Variants in KIF26B observed in about 807,000 individuals in gnomAD.
The protein encoded by KIF26B is kinesin family member 26B, also known as kinesin-like protein KIF26B.
A neutral mutation model predicts 151.2 loss-of-function variants in KIF26B; 63 were observed. That is an observed-to-expected ratio of 0.42 (90% CI 0.34 to 0.51). The LOEUF is 0.51. Ranked by LOEUF, KIF26B falls within the 20% of genes least tolerant of loss-of-function variation. The pLI, the probability that KIF26B is intolerant of heterozygous loss-of-function variation, is 0.07. For missense variants in KIF26B, 2,813 were observed against 2,913.6 expected (o/e 0.97, Z 0.79); for synonymous variants, 1,357 against 1,262.1 (o/e 1.08, Z -1.59).
chr1:245,370,163 A>G (rs1471937048), intron 3 of KIF26B, among the ~76,000 whole-genome samples: 1 of 152,184 alleles, frequency 6.6e-6, no homozygotes, highest in Non-Finnish European at 1.5e-5. Flanking sequence ...CTAGCATTTC[A>G]TACACTCGCA....
chr1:245,698,211 G>C lies in KIF26B; in HGVS notation c.5930G>C (p.Arg1977Pro). The part of the protein sequence containing the change: ...TGVRWVDGPL[R>P]SSPRGLGEPF... The stretch of plus-strand genomic sequence containing the variant: ...GTCCGCTGGGTGGATGGCCCCTTGC[G>C]GAGCAGCCCGAGGGGCCTTGGGGAA... The change falls in exon 13 of 15, where the codon CGG (arginine) becomes CCG (proline). Residue 1977 changes from arginine (R) to proline (P), a missense_variant. This residue lies in a region of KIF26B where 2,060 missense variants were observed against 2,088.6 expected (regional missense o/e 0.99). Coordinates refer to ENST00000407071, the MANE Select transcript of KIF26B (RefSeq NM_018012.4). The surrounding 1 kb of genome is among the most constrained non-coding windows in gnomAD (Gnocchi z 4.0). 6.2e-7 allele frequency: 1 copy of C among 1,614,008 alleles called. No individual in the cohort carries two copies. The highest frequency in any genetic ancestry group is 8.5e-7 in the Non-Finnish European group (1 of 1,179,900).
Position 245,686,355 on chromosome 1 carries a change from G to A in KIF26B, c.3372G>A (p.Val1124=), listed in dbSNP as rs1185787959. 5.6e-6 allele frequency: 9 copies of A among 1,613,250 alleles called. No individual in the cohort carries two copies. In the African/African-American group the frequency reaches 1.1e-4, roughly 19 times the overall value. Residue 1124 remains valine (V), a synonymous_variant, in exon 12 of 15, where the codon GTG becomes GTA. Transcript: ENST00000407071. This position sits in a 1 kb window ranked among gnomAD's most constrained non-coding sequence, Gnocchi z 5.6. The stretch of plus-strand genomic sequence containing the variant: ...GGGAGTCCTTGCTGCAGCCCGAGGT[G>A]CGTACGCCCCCGGTTGGAATGAGCC... The part of the protein sequence containing the change: ...ASRESLLQPE[V]RTPPVGMSPQ...
chr1:245,410,399 G>A (rs757258508), intron 3 of KIF26B, among the ~76,000 whole-genome samples: 14 of 152,168 alleles, frequency 9.2e-5, no homozygotes, highest in East Asian at 1.9e-4. Flanking sequence ...AGGTAGCCAC[G>A]TGGAACAAGT....
intron 2 of KIF26B, among the ~76,000 whole-genome samples, chr1:245,251,176 C>T (rs1487471247): frequency 6.6e-6 from 1 of 152,176 alleles, no homozygotes; most frequent in African/African-American, 2.4e-5. Flanking sequence ...TGCCTGTACC[C>T]AAATTCCAGA....
chr1:245,521,148 T>C (rs898038428), intron 4 of KIF26B, among the ~76,000 whole-genome samples: 3 of 152,228 alleles, frequency 2.0e-5, no homozygotes, highest in African/African-American at 7.2e-5. Flanking sequence ...CCATCCTGGC[T>C]AACACGGTGA....
chr1:245,247,521 A>C (rs564084800), intron 2 of KIF26B, among the ~76,000 whole-genome samples: 1 of 152,348 alleles, frequency 6.6e-6, no homozygotes, highest in East Asian at 1.9e-4. Context: ...TGTTTGAGGC[A>C]GGACGTGCTA....
intron 9 of KIF26B, among the ~76,000 whole-genome samples, chr1:245,614,217 C>G (rs561485138): frequency 2.0e-5 from 3 of 152,180 alleles, no homozygotes; most frequent in African/African-American, 7.2e-5. Flanking sequence ...CTCTGTTGCC[C>G]AGGCTGGAGT....
rs138859245 is a variant in KIF26B, at chr1:245,248,850, C to G, written c.465+92167C>G. ...AAATCAAGTGTAAATCAGTCTGTACCTCCGAGTGGAAACCAGTCAGTGGGA... is the reference window on the plus strand; with the variant it reads ...AAATCAAGTGTAAATCAGTCTGTACGTCCGAGTGGAAACCAGTCAGTGGGA... On this transcript the variant is annotated intron_variant, in intron 2 of 14. Transcript: ENST00000407071. Among the ~76,000 whole-genome samples the G allele has an allele frequency of 8.1e-3, 1,231 of 152,268 alleles. 11 individuals carry two copies. Among genetic ancestry groups the G allele is most frequent in the African/African-American group, 0.027 (1,108 of 41,552 alleles).
intron 2 of KIF26B, among the ~76,000 whole-genome samples, chr1:245,299,162 T>G (rs1671385118): frequency 6.6e-6 from 1 of 152,166 alleles, no homozygotes; most frequent in South Asian, 2.1e-4. Flanking sequence ...ACAGGCGCAT[T>G]GTTTTTATTC....
intron 10 of KIF26B, among the ~76,000 whole-genome samples, chr1:245,664,728 A>C (rs1295115270): frequency 6.6e-6 from 1 of 152,244 alleles, no homozygotes; most frequent in African/African-American, 2.4e-5. Context: ...TTAAAAAATA[A>C]GCAGAATAAT....
intron 4 of KIF26B, among the ~76,000 whole-genome samples, chr1:245,538,343 CAGG>C (rs536407399): frequency 4.7e-4 from 72 of 151,986 alleles, no homozygotes; most frequent in African/African-American, 1.7e-3. Context: ...GGGGAAGAAT[CAGG>C]AGAAGGATTT....
chr1:245,621,232 G>T (rs530101611), intron 9 of KIF26B, among the ~76,000 whole-genome samples: 1 of 152,288 alleles, frequency 6.6e-6, no homozygotes, highest in South Asian at 2.1e-4. Flanking sequence ...AGTTAAAAGA[G>T]CTTCTGCATG....
rs1261013967 is a variant in KIF26B, at chr1:245,516,343, C to A, written c.1167-24424C>A. On this transcript the variant is annotated intron_variant, in intron 4 of 14. Coordinates refer to ENST00000407071, the MANE Select transcript of KIF26B (RefSeq NM_018012.4). The surrounding 1 kb of genome is among the most constrained non-coding windows in gnomAD (Gnocchi z 4.2). ...AAACGTGTAACAGGAATTGTCCGTTCCCATGGCCAGTCCTCATGTAGAGCC... is the reference window on the plus strand; with the variant it reads ...AAACGTGTAACAGGAATTGTCCGTTACCATGGCCAGTCCTCATGTAGAGCC... 1.3e-5 allele frequency among the ~76,000 whole-genome samples: 2 copies of A among 152,178 alleles called. No individual in the cohort carries two copies.
intron 3 of KIF26B, among the ~76,000 whole-genome samples, chr1:245,377,259 A>G (rs1364668048): frequency 1.3e-5 from 2 of 152,204 alleles, no homozygotes; most frequent in African/African-American, 2.4e-5. Flanking sequence ...AGTTCTGGAG[A>G]CTGCAAGTCT....
chr1:245,316,863 C>A (rs1205306420), intron 2 of KIF26B, among the ~76,000 whole-genome samples: 1 of 111,660 alleles, frequency 9.0e-6, no homozygotes, highest in Middle Eastern at 4.1e-3. Context: ...CTTCAAGGGA[C>A]AAAAACCTGC....
chr1:245,502,706 A>G (rs924839364), intron 4 of KIF26B, among the ~76,000 whole-genome samples: 3 of 152,120 alleles, frequency 2.0e-5, no homozygotes, highest in African/African-American at 7.2e-5. Context: ...TGATTATAAT[A>G]TTATCTAAGT....
intron 3 of KIF26B, among the ~76,000 whole-genome samples, chr1:245,374,056 T>A (rs1285136537): frequency 2.6e-5 from 1 of 38,902 alleles, no homozygotes; most frequent in Non-Finnish European, 4.3e-5. Flanking sequence ...CGAGAACCTA[T>A]CTCAAAAAAA....
intron 4 of KIF26B, among the ~76,000 whole-genome samples, chr1:245,444,799 A>G (rs1474116412): frequency 1.3e-5 from 2 of 152,220 alleles, no homozygotes; most frequent in African/African-American, 4.8e-5. Context: ...GGGGTTGCCC[A>G]AGACAGGGAT....
At chr1:245,305,936 C>CAAAAAAAAAA (rs55865379) in intron 2 of KIF26B, among the ~76,000 whole-genome samples, 6 of 86,678 alleles carry the variant, frequency 6.9e-5, no homozygotes, top group African/African-American at 8.9e-5. Context: ...GACGACTCCT[C>CAAAAAAAAAA]AAAAAAAAAA....
Sources: allele counts gnomAD v4.1 joint callset (sites outside exome capture counted in the v4.1 genomes callset), GRCh38; gene constraint gnomAD v4.1.1; regional missense constraint gnomAD v4.1.1; non-coding constraint Gnocchi (gnomAD v3.1); transcripts MANE v1.5; gene names NCBI Gene and HGNC (gene_info 2026-07-23, HGNC 2026-07-21).